The following LRRIQ1 variants were observed in gnomAD, a reference collection of about 807,000 sequenced individuals.
The protein encoded by LRRIQ1 is leucine rich repeats and IQ motif containing 1, also known as leucine-rich repeat- and IQ domain-containing protein 1.
In LRRIQ1, 210 loss-of-function variants were observed where a neutral mutation model predicts 211.9. That is an observed-to-expected ratio of 0.99 (90% CI 0.89 to 1.11). The LOEUF (loss-of-function observed/expected upper bound fraction) is 1.11. Ranked by LOEUF, LRRIQ1 falls within the 50% of genes most tolerant of loss-of-function variation. LRRIQ1 has a pLI of 0.00. For synonymous variants in LRRIQ1, 699 were observed against 650.1 expected (o/e 1.08, Z -1.14); for missense variants, 2,136 against 1,939.5 (o/e 1.10, Z -1.90).
At chr12:85,254,895 G>A (rs1048212147) in intron 1 of LRRIQ1, among the ~76,000 whole-genome samples, 5 of 151,884 alleles carry the variant, frequency 3.3e-5, no homozygotes, top group Non-Finnish European at 5.9e-5. Context: ...CTTGAGGAGT[G>A]AACAGAAATT....
chr12:85,098,912 G>T lies in LRRIQ1; in HGVS notation c.3127G>T (p.Asp1043Tyr). The T allele has an allele frequency of 6.4e-7, 1 of 1,570,508 alleles. No individual in the cohort carries two copies. Among genetic ancestry groups the T allele is most frequent in the Non-Finnish European group, 8.6e-7 (1 of 1,156,180 alleles). Residue 1043 changes from aspartate to tyrosine, a missense_variant, in exon 13 of 27, where the codon GAT becomes TAT. Asp to Tyr is a radical substitution (Grantham distance 160). Coordinates refer to ENST00000393217, the MANE Select transcript of LRRIQ1 (RefSeq NM_001079910.2). ...TGTTTTACTAAGAGAATTGCACTTG[G>T]ATGATAACAGCATTTCAACTGTGGA... ...NLVLLRELHL[D>Y]DNSISTVEAF... is the part of the protein sequence containing the mutation.
chr12:85,192,550 G>C (rs1279393068), intron 24 of LRRIQ1, among the ~76,000 whole-genome samples: 1 of 106,528 alleles, frequency 9.4e-6, no homozygotes, highest in East Asian at 2.5e-4. Context: ...AATATATATA[G>C]TTATATAATA....
At chr12:85,040,869 A>G (rs1033842654) in intron 3 of LRRIQ1, among the ~76,000 whole-genome samples, 1 of 151,526 alleles carries the variant, frequency 6.6e-6, no homozygotes. Context: ...ATTATTTTAT[A>G]TTAAAGAAAA....
chr12:85,142,539 A>G (rs994124437), intron 19 of LRRIQ1, among the ~76,000 whole-genome samples: 4 of 151,538 alleles, frequency 2.6e-5, no homozygotes, highest in African/African-American at 7.3e-5. Flanking sequence ...ATCATGTTGC[A>G]TAACAGATCT....
intron 13 of LRRIQ1, among the ~76,000 whole-genome samples, chr12:85,103,350 G>T (rs1565834514): frequency 6.6e-6 from 1 of 151,338 alleles, no homozygotes; most frequent in Non-Finnish European, 1.5e-5. Context: ...TTCTATTGAG[G>T]TAAAACATTT....
At chr12:85,205,597 G>A (rs1893504298) in intron 24 of LRRIQ1, among the ~76,000 whole-genome samples, 1 of 152,080 alleles carries the variant, frequency 6.6e-6, no homozygotes, top group African/African-American at 2.4e-5. Context: ...TCCTTATGTA[G>A]TATTTTGCAA....
the LRRIQ1 span, among the ~76,000 whole-genome samples, chr12:85,270,713 A>T: frequency 6.6e-6 from 1 of 152,122 alleles, no homozygotes; most frequent in Non-Finnish European, 1.5e-5. Context: ...TTATTTTATG[A>T]CCAGGCACTG....
intron 19 of LRRIQ1, among the ~76,000 whole-genome samples, chr12:85,143,409 C>G (rs973417312): frequency 6.6e-6 from 1 of 151,534 alleles, no homozygotes; most frequent in Admixed American, 6.6e-5. Flanking sequence ...TGTAGGTTGT[C>G]TCTTCATTTT....
intron 24 of LRRIQ1, among the ~76,000 whole-genome samples, chr12:85,203,766 C>T (rs772663401): frequency 5.9e-5 from 9 of 151,976 alleles, no homozygotes; most frequent in African/African-American, 9.7e-5. Flanking sequence ...AGCGGTGACT[C>T]GGGTGCTGTA....
chr12:85,080,780 G>A (rs1221300997), intron 11 of LRRIQ1, among the ~76,000 whole-genome samples: 1 of 150,918 alleles, frequency 6.6e-6, no homozygotes, highest in Non-Finnish European at 1.5e-5. Flanking sequence ...TATATTCTGT[G>A]TCTGGTAACT....
intron 19 of LRRIQ1, among the ~76,000 whole-genome samples, chr12:85,146,468 C>T (rs1162249612): frequency 6.6e-6 from 1 of 151,640 alleles, no homozygotes; most frequent in Non-Finnish European, 1.5e-5. Flanking sequence ...ATGGCAGGTC[C>T]ATTAGTAAGT....
At chr12:85,134,423 TC>T (rs1197358169) in intron 18 of LRRIQ1, among the ~76,000 whole-genome samples, 1 of 152,086 alleles carries the variant, frequency 6.6e-6, no homozygotes, top group African/African-American at 2.4e-5. Flanking sequence ...TCAGTCTCAG[TC>T]CCCTTTAAAA....
Position 85,124,178 on chromosome 12 carries a change from C to T in LRRIQ1, c.3666C>T (p.Ile1222=). The T allele has an allele frequency of 6.2e-7, 1 of 1,614,082 alleles. No homozygotes were observed. The highest frequency in any genetic ancestry group is 1.1e-5 in the South Asian group (1 of 91,084). Residue 1222 remains isoleucine, a synonymous_variant, in exon 17 of 27, where the codon ATC becomes ATT. Coordinates refer to ENST00000393217, the MANE Select transcript of LRRIQ1 (RefSeq NM_001079910.2). ...RHAHERGDVT[I]TKKDESEAQK... ...CACACGAACGAGGGGATGTAACTAT[C>T]ACCAAGAAAGATGAATCAGAAGCCC...
intron 15 of LRRIQ1, among the ~76,000 whole-genome samples, chr12:85,120,719 G>A (rs892939895): frequency 6.6e-6 from 1 of 151,962 alleles, no homozygotes; most frequent in African/African-American, 2.4e-5. Flanking sequence ...TTTCATTAGA[G>A]TTGTATAGTT....
downstream of LRRIQ1, among the ~76,000 whole-genome samples, chr12:85,247,311 A>G (rs79583019): frequency 1.3e-5 from 2 of 151,602 alleles, no homozygotes; most frequent in African/African-American, 4.8e-5. Flanking sequence ...CTCTGTCTCA[A>G]AATTTGTCAC....
At chr12:85,073,124 G>A (rs1343943980) in intron 11 of LRRIQ1, 26 bp downstream of exon 11, 5 of 1,531,864 alleles carry the variant, frequency 3.3e-6, no homozygotes, top group South Asian at 1.2e-5. Flanking sequence ...TTTTTATTTT[G>A]TTACTCTTTA....
intron 19 of LRRIQ1, among the ~76,000 whole-genome samples, chr12:85,140,517 A>G (rs1592869233): frequency 6.6e-6 from 1 of 151,354 alleles, no homozygotes; most frequent in Non-Finnish European, 1.5e-5. Context: ...AATATACTGT[A>G]TACACAATCA....
At chr12:85,113,318 C>T (rs906555084) in intron 15 of LRRIQ1, among the ~76,000 whole-genome samples, 1 of 152,012 alleles carries the variant, frequency 6.6e-6, no homozygotes, top group Non-Finnish European at 1.5e-5. Context: ...ATCTGCAGTA[C>T]TGAATTGTGT....
chr12:85,270,203 A>G, the LRRIQ1 span, among the ~76,000 whole-genome samples: 1 of 152,136 alleles, frequency 6.6e-6, no homozygotes, highest in South Asian at 2.1e-4. Context: ...TAAGAATTAT[A>G]TTTCTAATAA....
Sources: gnomAD v4.1 joint callset for allele counts (sites outside exome capture counted in the v4.1 genomes callset) on GRCh38, gnomAD v4.1.1 for gene constraint, MANE v1.5 for transcripts, NCBI Gene and HGNC (gene_info 2026-07-23, HGNC 2026-07-21) for gene names.